Variants in NCOA6 observed in about 807,000 individuals in gnomAD.
The protein encoded by NCOA6 is nuclear receptor coactivator 6, also known as NRC RAP250.
Under a neutral mutation model 171.4 loss-of-function variants are expected in NCOA6, and 49 were observed. That is an observed-to-expected ratio of 0.29 (90% CI 0.23 to 0.36). The LOEUF is 0.36. Ranked by LOEUF, NCOA6 falls within the 10% of genes least tolerant of loss-of-function variation. The pLI is 1.00. For synonymous variants in NCOA6, 910 were observed against 927.5 expected (o/e 0.98, Z 0.34); for missense variants, 2,248 against 2,554.5 (o/e 0.88, Z 2.59).
chr20:34,776,547 G>A (rs765032575), intron 3 of NCOA6, 99 bp from the exon 4 acceptor site: 5 of 1,359,962 alleles, frequency 3.7e-6, no homozygotes, highest in Admixed American at 3.7e-5. Flanking sequence ...ATAAGGTGGA[G>A]CACCAGCTTG....
chr20:34,740,317 C>A, intron 11 of NCOA6, 46 bp downstream of exon 11: 2 of 1,570,178 alleles, frequency 1.3e-6, no homozygotes, highest in South Asian at 2.4e-5. Context: ...GGGATTAGGT[C>A]ATCAAAAAAC....
intron 4 of NCOA6, among the ~76,000 whole-genome samples, chr20:34,770,594 T>G (rs6058115): frequency 0.84 from 128,176 of 152,080 alleles, 54,211 homozygotes; most frequent in Admixed American, 0.91. Context: ...TTAAAAACAG[T>G]TCCATTGCTT....
intron 7 of NCOA6, among the ~76,000 whole-genome samples, chr20:34,756,234 T>G (rs1404706030): frequency 6.6e-6 from 1 of 152,220 alleles, no homozygotes; most frequent in South Asian, 2.1e-4. Flanking sequence ...AATTTGGAGC[T>G]GAAACATCCT....
chr20:34,795,573 T>C (rs1163270596), intron 1 of NCOA6, among the ~76,000 whole-genome samples: 1 of 152,252 alleles, frequency 6.6e-6, no homozygotes, highest in Non-Finnish European at 1.5e-5. Flanking sequence ...AAAACTGGTC[T>C]GGTCTCTTCA....
At chr20:34,800,207 C>CA (rs2146449636) in intron 1 of NCOA6, among the ~76,000 whole-genome samples, 1 of 151,308 alleles carries the variant, frequency 6.6e-6, no homozygotes, top group Admixed American at 6.6e-5. Flanking sequence ...ATGATAAACT[C>CA]AAATAAAAAA....
intron 4 of NCOA6, among the ~76,000 whole-genome samples, chr20:34,771,681 T>C (rs1242452175): frequency 6.6e-6 from 1 of 152,204 alleles, no homozygotes; most frequent in Non-Finnish European, 1.5e-5. Flanking sequence ...TGTTTCCTTT[T>C]AGTTTCTTAG....
At position 34,754,718 on chromosome 20, in the gene NCOA6, A is replaced by C; in HGVS notation, c.1675+4T>G. ...GCTGGCTAAACAAATCACAGAAAACAAACCTGCATGCTGGACATTTTGATT... is the reference window on the plus strand; with the variant it reads ...GCTGGCTAAACAAATCACAGAAAACCAACCTGCATGCTGGACATTTTGATT... On this transcript the variant is annotated splice_donor_region_variant and intron_variant, in intron 8 of 14. Coordinates refer to ENST00000359003, the MANE Select transcript of NCOA6 (RefSeq NM_014071.5). The C allele has an allele frequency of 6.2e-7, 1 of 1,614,188 alleles. No individual in the cohort carries two copies.
chr20:34,805,932 C>T (rs923996176), intron 1 of NCOA6, among the ~76,000 whole-genome samples: 1 of 152,072 alleles, frequency 6.6e-6, no homozygotes, highest in Admixed American at 6.5e-5. Context: ...GTGATCCACC[C>T]GCCTCAGCCT....
chr20:34,725,627 T>C (rs1360676185), intron 14 of NCOA6, among the ~76,000 whole-genome samples: 1 of 152,150 alleles, frequency 6.6e-6, no homozygotes, highest in Non-Finnish European at 1.5e-5. Context: ...GGTTTTAAGC[T>C]AGTGGGTAGT....
At chr20:34,795,768 G>A (rs1195698254) in intron 1 of NCOA6, among the ~76,000 whole-genome samples, 4 of 152,002 alleles carry the variant, frequency 2.6e-5, no homozygotes, top group Admixed American at 1.3e-4. Flanking sequence ...AAGGTATTAG[G>A]GCATTATTTT....
At chr20:34,773,996 A>G (rs1395453467) in intron 4 of NCOA6, among the ~76,000 whole-genome samples, 2 of 152,220 alleles carry the variant, frequency 1.3e-5, no homozygotes, top group Non-Finnish European at 2.9e-5. Flanking sequence ...AATCATTGTC[A>G]TATGTGAATT....
intron 5 of NCOA6, among the ~76,000 whole-genome samples, chr20:34,760,068 A>T (rs1393476518): frequency 2.0e-5 from 3 of 152,152 alleles, no homozygotes; most frequent in Non-Finnish European, 4.4e-5. Context: ...GCTTGAGGCC[A>T]GGAGTTTGAG....
chr20:34,769,785 A>C (rs1296153950), intron 4 of NCOA6, among the ~76,000 whole-genome samples: 1 of 152,220 alleles, frequency 6.6e-6, no homozygotes, highest in Non-Finnish European at 1.5e-5. Context: ...TACTTGGTCC[A>C]ATGATAAAAA....
intron 11 of NCOA6, among the ~76,000 whole-genome samples, chr20:34,738,026 G>C (rs144522559): frequency 9.2e-4 from 140 of 152,190 alleles, no homozygotes; most frequent in Non-Finnish European, 1.6e-3. Context: ...AGCCTTCTGA[G>C]TAGCTGGGAC....
At position 34,782,421 on chromosome 20, in the gene NCOA6, C is replaced by A; in HGVS notation, c.-49-17G>T. ...AGAAAACTTCTGAAAAGAGAAGATG[C>A]AAAAGAGCATTACAATGCATAGTTA... On this transcript the variant is annotated splice_polypyrimidine_tract_variant and intron_variant, in intron 2 of 14. Transcript: ENST00000359003. The A allele has an allele frequency of 1.1e-6, 1 of 939,386 alleles. No homozygotes were observed. 58.2% of individuals were successfully genotyped at this position (939,386 alleles called of 1,614,324 possible). A position where few individuals can be genotyped will look rare whatever the true frequency, so the allele number is the denominator to read the frequency against.
At chr20:34,716,378 CTA>C (rs1206819389) in intron 14 of NCOA6, among the ~76,000 whole-genome samples, 2 of 152,194 alleles carry the variant, frequency 1.3e-5, no homozygotes, top group Non-Finnish European at 2.9e-5. Flanking sequence ...AGGGAAATGA[CTA>C]TGTTTTGATT....
At chr20:34,743,413 C>T in intron 10 of NCOA6, 72 bp from the exon 11 acceptor site, 1 of 1,460,746 alleles carries the variant, frequency 6.8e-7, no homozygotes, top group East Asian at 2.3e-5. Flanking sequence ...TAGAGTATAG[C>T]CAAGCAATAC....
intron 10 of NCOA6, among the ~76,000 whole-genome samples, chr20:34,744,175 G>A (rs955668256): frequency 1.3e-5 from 2 of 152,112 alleles, no homozygotes; most frequent in African/African-American, 4.8e-5. Context: ...ATCCACAGCT[G>A]GAGAATAAGT....
intron 7 of NCOA6, 85 bp from the exon 8 acceptor site, chr20:34,754,953 G>A: frequency 7.1e-7 from 1 of 1,402,706 alleles, no homozygotes; most frequent in Admixed American, 2.0e-5. Flanking sequence ...AGGATGAGCT[G>A]CATGAAGTCT....
Sources: gnomAD v4.1 joint callset for allele counts (sites outside exome capture counted in the v4.1 genomes callset) on GRCh38, gnomAD v4.1.1 for gene constraint, MANE v1.5 for transcripts, NCBI Gene and HGNC (gene_info 2026-07-23, HGNC 2026-07-21) for gene names.